BCAS3: variants seen among roughly 807,000 people sequenced by gnomAD.
BCAS3 encodes BCAS4/BCAS3 fusion.
BCAS3 carries 53 observed loss-of-function variants against 116.1 expected under a neutral mutation model. The observed-to-expected ratio is 0.46, with a 90% confidence interval of 0.37 to 0.57. BCAS3 has a LOEUF of 0.57. Among genes scored for constraint, BCAS3 ranks in the 20% least tolerant of loss-of-function variants. The pLI is 0.00. For missense variants in BCAS3, 917 were observed against 1,165.4 expected (o/e 0.79, Z 3.10); for synonymous variants, 391 against 408.2 (o/e 0.96, Z 0.51).
intron 16 of BCAS3, chr17:61,027,194 G>A (rs2066313234): frequency 4.5e-6 from 2 of 444,190 alleles, no homozygotes; most frequent in Non-Finnish European, 8.0e-6. Context: ...AATATTACAA[G>A]ACAAGGCTAA....
Position 61,323,785 on chromosome 17 carries a change from C to T in BCAS3, c.2426-44542C>T, listed in dbSNP as rs139699741. Among the ~76,000 whole-genome samples the T allele has an allele frequency of 3.1e-3, 479 of 152,292 alleles. 1 individual carries two copies. Among genetic ancestry groups the T allele is most frequent in the African/African-American group, 0.01 (435 of 41,564 alleles). On this transcript the variant is annotated intron_variant, in intron 22 of 23. Transcript: ENST00000407086. This position sits in a 1 kb window ranked among gnomAD's most constrained non-coding sequence, Gnocchi z 4.6. ...TCCCCAGGAGGTCAGTGGCCTGCTG[C>T]GGTGCTCAGCTGCTGGTAAGTGATC...
chr17:60,775,192 A>G (rs1802100442), intron 6 of BCAS3, among the ~76,000 whole-genome samples: 1 of 152,210 alleles, frequency 6.6e-6, no homozygotes, highest in South Asian at 2.1e-4. Context: ...TTCTGGAGGT[A>G]TCATAGCATT....
At position 61,333,905 on chromosome 17, in the gene BCAS3, C is replaced by T. The variant is rs1344604701; in HGVS notation, c.2426-34422C>T. Among the ~76,000 whole-genome samples, 7 of 152,208 alleles carry T rather than the reference C, an allele frequency of 4.6e-5. No individual in the cohort carries two copies. The highest frequency in any genetic ancestry group is 7.2e-5 in the African/African-American group (3 of 41,462). Reference sequence around the variant, plus strand: ...AAAGTGCTGGGATTACAGGCATGAGCCATGGTACCCTGCCAAGTTCTTGAA... The same window carrying T: ...AAAGTGCTGGGATTACAGGCATGAGTCATGGTACCCTGCCAAGTTCTTGAA... On this transcript the variant is annotated intron_variant, in intron 22 of 23. Transcript: ENST00000407086. The surrounding 1 kb of genome is among the most constrained non-coding windows in gnomAD (Gnocchi z 4.8).
chr17:60,683,754 C>A (rs551930562), intron 2 of BCAS3, among the ~76,000 whole-genome samples: 340 of 151,484 alleles, frequency 2.2e-3, no homozygotes, highest in Non-Finnish European at 3.5e-3. Context: ...ATTGCTTAAG[C>A]CCCGGAGGTC....
chr17:61,391,999 C>G lies in BCAS3; in HGVS notation c.2616C>G (p.Ile872Met), dbSNP rs372166016. The G allele has an allele frequency of 4.3e-6, 7 of 1,613,800 alleles. No individual in the cohort carries two copies. The highest frequency in any genetic ancestry group is 1.7e-5 in the Admixed American group (1 of 60,022). ...SGTELQREGS[I>M]ETLSNSSGST... ...CAGAACTTCAGCGAGAGGGAAGCAT[C>G]GAGACTCTGAGTAACAGCTCAGGCT... is the stretch of plus-strand genomic sequence containing the variant. Residue 872 changes from isoleucine to methionine, a missense_variant, in exon 24 of 24, where the codon ATC becomes ATG. This residue lies in a region of BCAS3 where 109 missense variants were observed against 122.8 expected (regional missense o/e 0.89). Transcript: ENST00000407086. The surrounding 1 kb of genome is among the most constrained non-coding windows in gnomAD (Gnocchi z 7.7).
intron 6 of BCAS3, among the ~76,000 whole-genome samples, chr17:60,788,982 A>G (rs889966699): frequency 2.0e-5 from 3 of 152,188 alleles, no homozygotes; most frequent in African/African-American, 7.2e-5. Flanking sequence ...CTCAACAAGG[A>G]CAAACTAACT....
At chr17:61,170,579 A>G (rs1601704270) in intron 22 of BCAS3, among the ~76,000 whole-genome samples, 1 of 152,200 alleles carries the variant, frequency 6.6e-6, no homozygotes, top group Admixed American at 6.5e-5. Flanking sequence ...GGCGTGAGCC[A>G]CCGCGCCTGG....
rs1040327381 is a variant in BCAS3, at chr17:61,244,058, A to G, written c.2426-124269A>G. ...CTCCCTGTCTCAGCCTCCCAAAGGG[A>G]TGAGTTTTAATATGCTAATTACTTC... On this transcript the variant is annotated intron_variant, in intron 22 of 23. Transcript: ENST00000407086. This position sits in a 1 kb window ranked among gnomAD's most constrained non-coding sequence, Gnocchi z 4.9. Among the ~76,000 whole-genome samples, 5 of 152,038 alleles carry G rather than the reference A, an allele frequency of 3.3e-5. No individual in the cohort carries two copies. Among genetic ancestry groups the G allele is most frequent in the Non-Finnish European group, 7.4e-5 (5 of 68,004 alleles).
intron 22 of BCAS3, among the ~76,000 whole-genome samples, chr17:61,295,404 C>T (rs939533484): frequency 2.0e-5 from 3 of 152,220 alleles, no homozygotes; most frequent in Non-Finnish European, 4.4e-5. Flanking sequence ...GAACCCCTGT[C>T]TCTGACACTA....
Position 61,085,548 on chromosome 17 carries a change from A to G in BCAS3, c.2425+984A>G, listed in dbSNP as rs555718724. 4.6e-5 allele frequency among the ~76,000 whole-genome samples: 7 copies of G among 152,324 alleles called. No individual in the cohort carries two copies. In the East Asian group the frequency reaches 7.7e-4, roughly 17 times the overall value. On this transcript the variant is annotated intron_variant, in intron 22 of 23. Coordinates refer to ENST00000407086, the MANE Select transcript of BCAS3 (RefSeq NM_017679.5). ...GTTTCAAAGCTAATGGGTTTTATACATATTCTTAGCTTTCTGATTTTTTGG... is the reference window on the plus strand; with the variant it reads ...GTTTCAAAGCTAATGGGTTTTATACGTATTCTTAGCTTTCTGATTTTTTGG...
At chr17:61,351,706 C>G (rs781767987) in intron 22 of BCAS3, among the ~76,000 whole-genome samples, 133 of 152,306 alleles carry the variant, frequency 8.7e-4, no homozygotes, top group Middle Eastern at 6.8e-3. Context: ...CATCTCTCCC[C>G]CTTCCGCATC....
chr17:60,856,603 A>G (rs1040439307), intron 7 of BCAS3, among the ~76,000 whole-genome samples: 1 of 152,082 alleles, frequency 6.6e-6, no homozygotes, highest in Non-Finnish European at 1.5e-5. Flanking sequence ...AGGCATGAGA[A>G]TCGCTTGAAC....
At chr17:60,933,880 A>G (rs1251767798) in intron 13 of BCAS3, among the ~76,000 whole-genome samples, 2 of 152,198 alleles carry the variant, frequency 1.3e-5, no homozygotes, top group Non-Finnish European at 2.9e-5. Flanking sequence ...TTTCCATAGT[A>G]GGTTTGTACT....
rs1216538862 is a variant in BCAS3, at chr17:61,337,809, C to T, written c.2426-30518C>T. Among the ~76,000 whole-genome samples, 1 of 152,162 alleles carries T rather than the reference C, an allele frequency of 6.6e-6. No homozygotes were observed. Among genetic ancestry groups the T allele is most frequent in the African/African-American group, 2.4e-5 (1 of 41,440 alleles). On this transcript the variant is annotated intron_variant, in intron 22 of 23. Coordinates refer to ENST00000407086, the MANE Select transcript of BCAS3 (RefSeq NM_017679.5). This position sits in a 1 kb window ranked among gnomAD's most constrained non-coding sequence, Gnocchi z 4.8. ...CACAAGGTGTTAGAGACAGAGAAAG[C>T]CTCCTTGTTATGGAGAATTTGTGGT...
Position 60,771,194 on chromosome 17 carries a change from C to T in BCAS3, c.403+23915C>T, listed in dbSNP as rs528594283. ...TGGTTTTTACATTACAACTGAGAAA[C>T]GCTTTTACCACATCACATGATGTAA... On this transcript the variant is annotated intron_variant, in intron 6 of 23. Coordinates refer to ENST00000407086, the MANE Select transcript of BCAS3 (RefSeq NM_017679.5). 8.5e-5 allele frequency among the ~76,000 whole-genome samples: 13 copies of T among 152,192 alleles called. 1 individual carries two copies. The South Asian group carries it at 2.1e-3, about 24-fold the overall frequency.
intron 22 of BCAS3, among the ~76,000 whole-genome samples, chr17:61,318,810 C>T (rs560314324): frequency 1.3e-5 from 2 of 152,296 alleles, no homozygotes; most frequent in African/African-American, 4.8e-5. Flanking sequence ...ACTGTAATTT[C>T]TCTTGGCCCT....
At chr17:60,757,390 G>GTA (rs1276711050) in intron 6 of BCAS3, among the ~76,000 whole-genome samples, 2 of 142,626 alleles carry the variant, frequency 1.4e-5, no homozygotes, top group Admixed American at 6.9e-5. Flanking sequence ...TTGCCAGCAT[G>GTA]TATATGTGTG....
chr17:61,297,182 G>A (rs764216102), intron 22 of BCAS3, among the ~76,000 whole-genome samples: 3 of 152,198 alleles, frequency 2.0e-5, no homozygotes, highest in Admixed American at 6.5e-5. Context: ...GACAGTCAAT[G>A]CATATGGGAT....
chr17:61,354,915 G>A lies in BCAS3; in HGVS notation c.2426-13412G>A, dbSNP rs1313914377. On this transcript the variant is annotated intron_variant, in intron 22 of 23. Transcript: ENST00000407086. The surrounding 1 kb of genome is among the most constrained non-coding windows in gnomAD (Gnocchi z 4.5). Reference sequence around the variant, plus strand: ...GGCACATCCGGGACCCTCCCCTTCAGGGCAGGTGGACTCCTCCTTTCCTTT... The same window carrying A: ...GGCACATCCGGGACCCTCCCCTTCAAGGCAGGTGGACTCCTCCTTTCCTTT... The A allele has an allele frequency of 6.6e-6, 1 of 152,314 alleles. No individual in the cohort carries two copies. Among genetic ancestry groups the A allele is most frequent in the Non-Finnish European group, 1.5e-5 (1 of 68,112 alleles). 9.4% of individuals were successfully genotyped at this position (152,314 alleles called of 1,614,324 possible).
Sources: gnomAD v4.1 joint callset for allele counts (sites outside exome capture counted in the v4.1 genomes callset) on GRCh38, gnomAD v4.1.1 for gene constraint, gnomAD v4.1.1 regional missense constraint, Gnocchi (gnomAD v3.1) non-coding constraint, MANE v1.5 for transcripts, NCBI Gene and HGNC (gene_info 2026-07-23, HGNC 2026-07-21) for gene names.